SVEP1: variants seen among roughly 807,000 people sequenced by gnomAD.
SVEP1 encodes sushi, von Willebrand factor type A, EGF and pentraxin domain containing 1.
In SVEP1, 164 loss-of-function variants were observed where a neutral mutation model predicts 367.3. The ratio of observed to expected loss-of-function variants is 0.45; its 90% CI spans 0.39 to 0.51. SVEP1 has a LOEUF of 0.51. Ranked by LOEUF, SVEP1 falls within the 20% of genes least tolerant of loss-of-function variation. SVEP1 has a pLI of 0.00. For synonymous variants in SVEP1, 1,666 were observed against 1,611.6 expected (o/e 1.03, Z -0.81); for missense variants, 4,117 against 4,425.3 (o/e 0.93, Z 1.98).
intron 1 of SVEP1, among the ~76,000 whole-genome samples, chr9:110,550,486 C>CTATA (rs1423616043): frequency 7.3e-6 from 1 of 136,304 alleles, no homozygotes; most frequent in Non-Finnish European, 1.7e-5. Context: ...AATTATCTAT[C>CTATA]TATCTATCTA....
rs1389494219 is a variant in SVEP1 at position 110,528,526 on chromosome 9, TGTG to T, written c.965-14423_965-14421del. 1.4e-4 allele frequency among the ~76,000 whole-genome samples: 22 copies of T among 152,200 alleles called. 1 individual carries two copies. The highest frequency in any genetic ancestry group is 1.6e-4 in the Non-Finnish European group (11 of 67,960). On this transcript the variant is annotated intron_variant, in intron 3 of 47. Transcript: ENST00000374469. ...TGGCTGGAGTAAACTGGTGTCTCAT[TGTG>T]GTTTTAATCTGTATTTCCTTGATAA...
Position 110,447,060 on chromosome 9 carries a change from G to A in SVEP1, c.4104-3C>T, listed in dbSNP as rs1291396263. ...TGAAGCCAGCTGCACACAGGCATCT[G>A]AAAGAAAACAAAATGTTGTAACAAT... is the stretch of plus-strand genomic sequence containing the variant. On this transcript the variant is annotated splice_region_variant and splice_polypyrimidine_tract_variant and intron_variant, in intron 24 of 47. Transcript: ENST00000374469. 17 of 1,476,888 alleles carry A rather than the reference G, an allele frequency of 1.2e-5. No individual in the cohort carries two copies. In the East Asian group the frequency reaches 4.2e-4, roughly 37 times the overall value. 91.5% of individuals were successfully genotyped at this position (1,476,888 alleles called of 1,614,324 possible). A position where few individuals can be genotyped will look rare whatever the true frequency, so the allele number is the denominator to read the frequency against.
intron 43 of SVEP1, among the ~76,000 whole-genome samples, chr9:110,382,821 CTA>C (rs1827458251): frequency 6.6e-6 from 1 of 152,168 alleles, no homozygotes. Flanking sequence ...TCTTCAAACT[CTA>C]AAATTCTTTC....
At chr9:110,564,511 G>A (rs1180386603) in intron 1 of SVEP1, among the ~76,000 whole-genome samples, 1 of 152,158 alleles carries the variant, frequency 6.6e-6, no homozygotes, top group Admixed American at 6.5e-5. Context: ...GGGTGCAAAG[G>A]AGTGGAGGTT....
chr9:110,482,309 A>C lies in SVEP1; in HGVS notation c.2170+52T>G, dbSNP rs183130560. 8.9e-6 allele frequency: 14 copies of C among 1,577,582 alleles called. No individual in the cohort carries two copies. In the African/African-American group the frequency reaches 1.9e-4, roughly 21 times the overall value. Reference sequence around the variant, plus strand: ...TTTCATAAAACAGAGCACTATAGCAATGACATGTGTCAAATGTCAACTAGA... The same window carrying C: ...TTTCATAAAACAGAGCACTATAGCACTGACATGTGTCAAATGTCAACTAGA... On this transcript the variant is annotated intron_variant, in intron 11 of 47. Transcript: ENST00000374469.
chr9:110,568,413 A>G (rs1323683143), intron 1 of SVEP1, among the ~76,000 whole-genome samples: 2 of 152,242 alleles, frequency 1.3e-5, no homozygotes, highest in Non-Finnish European at 2.9e-5. Flanking sequence ...TTATTTTCTC[A>G]TGGGAAATTC....
At chr9:110,470,420 CTACT>C (rs765054802) in intron 16 of SVEP1, among the ~76,000 whole-genome samples, 2 of 152,024 alleles carry the variant, frequency 1.3e-5, no homozygotes, top group Non-Finnish European at 2.9e-5. Flanking sequence ...TTTTGCCACA[CTACT>C]TACTGTCTTA....
intron 3 of SVEP1, among the ~76,000 whole-genome samples, chr9:110,533,333 C>A (rs1425501726): frequency 6.6e-6 from 1 of 152,150 alleles, no homozygotes; most frequent in African/African-American, 2.4e-5. Context: ...ATGTTTCTCA[C>A]GAGCCTACTA....
intron 39 of SVEP1, among the ~76,000 whole-genome samples, chr9:110,401,899 C>T (rs1827868742): frequency 6.6e-6 from 1 of 151,990 alleles, no homozygotes; most frequent in South Asian, 2.1e-4. Context: ...AATTGGATAA[C>T]AGTGTTAAAC....
intron 7 of SVEP1, among the ~76,000 whole-genome samples, chr9:110,497,638 G>A (rs899784797): frequency 2.6e-5 from 4 of 152,202 alleles, no homozygotes; most frequent in African/African-American, 9.6e-5. Context: ...AAACTGAAAC[G>A]TACTGTCAAA....
chr9:110,401,963 A>G (rs1340961710), intron 39 of SVEP1, among the ~76,000 whole-genome samples: 2 of 152,126 alleles, frequency 1.3e-5, no homozygotes, highest in Non-Finnish European at 1.5e-5. Flanking sequence ...AATTTTGTAT[A>G]TATGACTGCA....
intron 2 of SVEP1, 118 bp downstream of exon 2, chr9:110,549,731 T>A: frequency 7.6e-7 from 1 of 1,315,662 alleles, no homozygotes; most frequent in Non-Finnish European, 1.0e-6. Flanking sequence ...CACATGGGCA[T>A]CATATTCAGC....
chr9:110,457,473 A>C (rs549463093), intron 20 of SVEP1, 121 bp from the exon 21 acceptor site: 4 of 746,660 alleles, frequency 5.4e-6, no homozygotes, highest in Non-Finnish European at 8.9e-6. Context: ...AGGTAAGTTC[A>C]CTCAAGCTAG....
At chr9:110,424,692 T>C (rs1564138588) in intron 36 of SVEP1, among the ~76,000 whole-genome samples, 1 of 152,200 alleles carries the variant, frequency 6.6e-6, no homozygotes, top group Non-Finnish European at 1.5e-5. Context: ...GTTTTGTTTT[T>C]AGACAGAGTT....
chr9:110,517,287 C>A (rs745989453), intron 3 of SVEP1, among the ~76,000 whole-genome samples: 10 of 151,244 alleles, frequency 6.6e-5, no homozygotes, highest in Non-Finnish European at 1.3e-4. Flanking sequence ...ATAGCTACAC[C>A]CATCTCTTAA....
chr9:110,561,912 C>T (rs745970214), intron 1 of SVEP1, among the ~76,000 whole-genome samples: 1 of 152,150 alleles, frequency 6.6e-6, no homozygotes, highest in Non-Finnish European at 1.5e-5. Flanking sequence ...GGCCCTATAA[C>T]ATTTAGGCTA....
In SVEP1 at chr9:110,530,359, T is replaced by C. The variant is rs557478805; in HGVS notation, c.964+15756A>G. 3.3e-5 allele frequency among the ~76,000 whole-genome samples: 5 copies of C among 152,310 alleles called. 1 individual carries two copies. The highest frequency in any genetic ancestry group is 1.2e-4 in the African/African-American group (5 of 41,582). The stretch of plus-strand genomic sequence containing the variant: ...GTATATCCTGGTCACTACAGAGACA[T>C]GCTTGGTTGGACGTTAGGGACATGT... On this transcript the variant is annotated intron_variant, in intron 3 of 47. Coordinates refer to ENST00000374469, the MANE Select transcript of SVEP1 (RefSeq NM_153366.4).
chr9:110,398,856 A>T (rs191846628), intron 40 of SVEP1, among the ~76,000 whole-genome samples: 2 of 152,048 alleles, frequency 1.3e-5, no homozygotes, highest in Non-Finnish European at 2.9e-5. Flanking sequence ...CAGGTGCTAG[A>T]GAGGATGTGG....
At chr9:110,472,633 G>A (rs1829038369) in intron 14 of SVEP1, among the ~76,000 whole-genome samples, 1 of 152,024 alleles carries the variant, frequency 6.6e-6, no homozygotes, top group Admixed American at 6.5e-5. Flanking sequence ...AAATTTTAGA[G>A]GTAAATAAGA....
Sources: allele counts gnomAD v4.1 joint callset (sites outside exome capture counted in the v4.1 genomes callset), GRCh38; gene constraint gnomAD v4.1.1; transcripts MANE v1.5; gene names NCBI Gene and HGNC (gene_info 2026-07-23, HGNC 2026-07-21).